TRAF3IP2: variants seen among roughly 807,000 people sequenced by gnomAD.
TRAF3IP2 encodes E3 ubiquitin ligase TRAF3IP2.
TRAF3IP2 carries 35 observed loss-of-function variants against 57.9 expected under a neutral mutation model. The ratio of observed to expected loss-of-function variants is 0.60; its 90% CI spans 0.46 to 0.80. The LOEUF (loss-of-function observed/expected upper bound fraction) is 0.80, where lower values mean the gene tolerates loss of function less well. TRAF3IP2 is among the 30% of genes least tolerant of loss of function. TRAF3IP2 has a pLI of 0.00. For missense variants in TRAF3IP2, 556 were observed against 706.4 expected (o/e 0.79, Z 2.41); for synonymous variants, 251 against 268.9 (o/e 0.93, Z 0.65).
chr6:111,602,338 T>C (rs1409614105), intron 1 of TRAF3IP2: 1 of 152,120 alleles, frequency 6.6e-6, no homozygotes, highest in East Asian at 1.9e-4. Flanking sequence ...GTCATTGTTT[T>C]GGTTTTTGTT....
rs777798714 is a variant in TRAF3IP2 at position 111,575,870 on chromosome 6, A to T, written c.1023-49T>A. ...CAATTTTCATTCTTTACAAAGGCAA[A>T]CCTTCAGGGACAGAAAGACTTTTAG... On this transcript the variant is annotated intron_variant, in intron 3 of 8. Transcript: ENST00000368761. The T allele has an allele frequency of 3.9e-6, 6 of 1,548,512 alleles. No homozygotes were observed. The Admixed American group carries it at 9.9e-5, about 26-fold the overall frequency.
chr6:111,575,497 A>T (rs1583225466), intron 4 of TRAF3IP2, 146 bp downstream of exon 4: 1 of 842,116 alleles, frequency 1.2e-6, no homozygotes, highest in East Asian at 3.0e-5. Flanking sequence ...CTGAGGCAGG[A>T]GAATGGGGTG....
At chr6:111,603,457 T>C (rs1423549032) in intron 1 of TRAF3IP2, among the ~76,000 whole-genome samples, 2 of 152,258 alleles carry the variant, frequency 1.3e-5, no homozygotes, top group African/African-American at 4.8e-5. Context: ...CTCTTTTTTT[T>C]CTGCAGCAGT....
At chr6:111,572,206 A>G (rs1441766358) in intron 5 of TRAF3IP2, among the ~76,000 whole-genome samples, 1 of 152,174 alleles carries the variant, frequency 6.6e-6, no homozygotes, top group Non-Finnish European at 1.5e-5. Flanking sequence ...AGAAAAATTT[A>G]CATGGCTTTA....
At chr6:111,597,961 C>T (rs1359807431) in intron 1 of TRAF3IP2, 1 of 453,772 alleles carries the variant, frequency 2.2e-6, no homozygotes, top group East Asian at 7.0e-5. Flanking sequence ...GGAGCAAGCA[C>T]TGACTCCTCA....
chr6:111,571,104 C>G (rs984127960), intron 5 of TRAF3IP2, among the ~76,000 whole-genome samples: 5 of 148,898 alleles, frequency 3.4e-5, no homozygotes, highest in East Asian at 2.0e-4. Flanking sequence ...GAGACAGAGC[C>G]TTGCTCTGTC....
chr6:111,603,181 C>G (rs980380723), intron 1 of TRAF3IP2, among the ~76,000 whole-genome samples: 1 of 152,140 alleles, frequency 6.6e-6, no homozygotes, highest in Non-Finnish European at 1.5e-5. Flanking sequence ...TTCTAGGAGG[C>G]CTGCTGGGCA....
chr6:111,602,378 C>G (rs1796899997), intron 1 of TRAF3IP2: 1 of 149,078 alleles, frequency 6.7e-6, no homozygotes, highest in Non-Finnish European at 1.5e-5. Context: ...GATGGTTTCT[C>G]TAAGCACATG....
At chr6:111,571,830 G>C (rs1795841669) in intron 5 of TRAF3IP2, among the ~76,000 whole-genome samples, 1 of 151,510 alleles carries the variant, frequency 6.6e-6, no homozygotes, top group African/African-American at 2.4e-5. Flanking sequence ...CTACTTGAGA[G>C]GCTGAACCTA....
intron 1 of TRAF3IP2, chr6:111,601,117 T>A: frequency 1.4e-6 from 1 of 707,962 alleles, no homozygotes; most frequent in Non-Finnish European, 2.7e-6. Flanking sequence ...GGTTCAGCTA[T>A]TGGGAGGGAA....
At chr6:111,573,015 T>G (rs1795877973) in intron 4 of TRAF3IP2, 32 bp from the exon 5 acceptor site, 1 of 1,481,732 alleles carries the variant, frequency 6.7e-7, no homozygotes, top group African/African-American at 1.4e-5. Context: ...TATTAGAAAC[T>G]GATCAAATTA....
intron 7 of TRAF3IP2, 142 bp downstream of exon 7, chr6:111,566,302 C>T (rs926657117): frequency 1.5e-6 from 1 of 688,898 alleles, no homozygotes. Flanking sequence ...ACCAACAGCT[C>T]CTCTCCTGAC....
chr6:111,597,740 C>G (rs1796736188), intron 1 of TRAF3IP2: 2 of 430,452 alleles, frequency 4.6e-6, no homozygotes, highest in African/African-American at 2.0e-5. Flanking sequence ...GAGGTGAGTC[C>G]TGGGGACATA....
Position 111,555,480 on chromosome 6 carries a change from C to T in TRAF3IP2, c.*3925G>A, listed in dbSNP as rs1486241476. 1.3e-5 allele frequency among the ~76,000 whole-genome samples: 2 copies of T among 152,144 alleles called. No individual in the cohort carries two copies. The highest frequency in any genetic ancestry group is 2.9e-5 in the Non-Finnish European group (2 of 68,020). ...GAGCTGAGAAATAGCTAGTCTAATA[C>T]TTTGATTGTAGCCATGTACTGAGAC... On this transcript the variant is annotated 3_prime_UTR_variant, in exon 9 of 9. Transcript: ENST00000368761.
intron 3 of TRAF3IP2, among the ~76,000 whole-genome samples, chr6:111,576,157 T>C (rs891512627): frequency 6.6e-6 from 1 of 152,094 alleles, no homozygotes; most frequent in Non-Finnish European, 1.5e-5. Flanking sequence ...GTGACACAGA[T>C]GGTTGATGTT....
intron 1 of TRAF3IP2, among the ~76,000 whole-genome samples, chr6:111,599,409 G>A (rs144582651): frequency 3.1e-4 from 47 of 152,238 alleles, no homozygotes; most frequent in Admixed American, 2.5e-3. Context: ...CTAGTTTTGC[G>A]AATAATGTCA....
At position 111,559,568 on chromosome 6, in the gene TRAF3IP2, G is replaced by T; in HGVS notation, c.1552-17C>A. 1 of 1,613,354 alleles carries T rather than the reference G, an allele frequency of 6.2e-7. No individual in the cohort carries two copies. The highest frequency in any genetic ancestry group is 8.5e-7 in the Non-Finnish European group (1 of 1,179,746). On this transcript the variant is annotated splice_polypyrimidine_tract_variant and intron_variant, in intron 8 of 8. Coordinates refer to ENST00000368761, the MANE Select transcript of TRAF3IP2 (RefSeq NM_147686.4). ...CACATGCTCCTATGGGAGGCAGAAT[G>T]ACAGGAGCAAAGGTCATTAGAGAAA...
chr6:111,605,606 G>A (rs1407563139), intron 1 of TRAF3IP2, among the ~76,000 whole-genome samples, 170 bp downstream of exon 1: 1 of 152,192 alleles, frequency 6.6e-6, no homozygotes, highest in Non-Finnish European at 1.5e-5. Context: ...AAACTTCACT[G>A]TCATTTTCTC....
chr6:111,562,429 T>C (rs1194401967), intron 8 of TRAF3IP2, among the ~76,000 whole-genome samples: 1 of 152,226 alleles, frequency 6.6e-6, no homozygotes, highest in African/African-American at 2.4e-5. Context: ...CAACGGTTCT[T>C]TGAACAATTA....
Sources: allele counts gnomAD v4.1 joint callset (sites outside exome capture counted in the v4.1 genomes callset), GRCh38; gene constraint gnomAD v4.1.1; transcripts MANE v1.5; gene names NCBI Gene and HGNC (gene_info 2026-07-23, HGNC 2026-07-21).